The following ADARB2 variants were observed in gnomAD, a reference collection of about 807,000 sequenced individuals.
ADARB2 encodes the protein adenosine deaminase RNA specific B2 (inactive).
A neutral mutation model predicts 62.2 loss-of-function variants in ADARB2; 25 were observed. The observed-to-expected ratio is 0.40, with a 90% confidence interval of 0.29 to 0.56. The LOEUF (loss-of-function observed/expected upper bound fraction) is 0.56, where lower values mean the gene tolerates loss of function less well. Ranked by LOEUF, ADARB2 falls within the 20% of genes least tolerant of loss-of-function variation. The pLI, the probability that ADARB2 is intolerant of heterozygous loss-of-function variation, is 0.43. For missense variants in ADARB2, 1,071 were observed against 1,077.4 expected, an observed-to-expected ratio of 0.99 and a Z score of 0.08; for synonymous variants, 572 against 500.8, an observed-to-expected ratio of 1.14 and a Z score of -1.90.
At chr10:1,258,649 G>A (rs1564238190) in intron 4 of ADARB2, among the ~76,000 whole-genome samples, 2 of 152,142 alleles carry the variant, frequency 1.3e-5, no homozygotes, top group South Asian at 2.1e-4. Context: ...GATTCATAAA[G>A]CAAATCCTTA....
At position 1,476,141 on chromosome 10, in the gene ADARB2, A is replaced by G. The variant is rs115101941; in HGVS notation, c.101-96981T>C. Among the ~76,000 whole-genome samples the G allele has an allele frequency of 1.4e-3, 211 of 152,264 alleles. 1 individual carries two copies. The highest frequency in any genetic ancestry group is 6.8e-3 in the Middle Eastern group (2 of 294). On this transcript the variant is annotated intron_variant, in intron 1 of 9. Transcript: ENST00000381312. ...TTGAAGGGGTGAGAGAAGGAGAAGG[A>G]GAGAAAAAAGGAAGAGAGAGAGACA...
chr10:1,269,087 G>A (rs1363021838), intron 4 of ADARB2, among the ~76,000 whole-genome samples: 1 of 152,126 alleles, frequency 6.6e-6, no homozygotes, highest in Non-Finnish European at 1.5e-5. Context: ...AGCCAGGGTG[G>A]CTGGTGCCCC....
chr10:1,407,493 AG>A (rs1832717247), intron 1 of ADARB2, among the ~76,000 whole-genome samples: 1 of 152,126 alleles, frequency 6.6e-6, no homozygotes, highest in South Asian at 2.1e-4. Flanking sequence ...AAATGGTTTC[AG>A]GTTGAGAGAG....
At chr10:1,451,082 T>C (rs2820626) in intron 1 of ADARB2, among the ~76,000 whole-genome samples, 110,544 of 152,172 alleles carry the variant, frequency 0.73, 40,660 homozygotes, top group Middle Eastern at 0.84. Context: ...CATGTCCTCA[T>C]AGCCTGGGGA....
At chr10:1,581,621 T>C (rs1833100244) in intron 1 of ADARB2, among the ~76,000 whole-genome samples, 1 of 152,194 alleles carries the variant, frequency 6.6e-6, no homozygotes, top group Non-Finnish European at 1.5e-5. Context: ...TGGATAATTT[T>C]TGAGTATTAA....
intron 7 of ADARB2, among the ~76,000 whole-genome samples, chr10:1,203,558 C>G (rs10903405): frequency 0.27 from 40,689 of 152,162 alleles, 5,910 homozygotes; most frequent in African/African-American, 0.36. Flanking sequence ...GGCTGTCAGG[C>G]CTGCTGCTGG....
intron 1 of ADARB2, among the ~76,000 whole-genome samples, chr10:1,514,287 G>A (rs1253815760): frequency 1.3e-5 from 2 of 150,328 alleles, no homozygotes; most frequent in African/African-American, 2.4e-5. Flanking sequence ...TCAGAAGGAC[G>A]GCTCTGACGC....
At chr10:1,232,427 GGTGT>G (rs760639723) in intron 6 of ADARB2, among the ~76,000 whole-genome samples, 1 of 151,072 alleles carries the variant, frequency 6.6e-6, no homozygotes, top group South Asian at 2.1e-4. Flanking sequence ...TGGTATATGT[GGTGT>G]GTGTTTGCAG....
At chr10:1,666,129 G>A (rs1425626776) in intron 1 of ADARB2, among the ~76,000 whole-genome samples, 1 of 152,210 alleles carries the variant, frequency 6.6e-6, no homozygotes, top group African/African-American at 2.4e-5. Context: ...TAGAGGAGAT[G>A]GCACCGCTAT....
chr10:1,731,221 G>A (rs1259924115), intron 1 of ADARB2, among the ~76,000 whole-genome samples: 1 of 152,196 alleles, frequency 6.6e-6, no homozygotes, highest in Non-Finnish European at 1.5e-5. Context: ...TGCAGATGGA[G>A]ATTCAGGGCC....
At chr10:1,386,199 G>A (rs1221460068) in intron 1 of ADARB2, among the ~76,000 whole-genome samples, 1 of 151,704 alleles carries the variant, frequency 6.6e-6, no homozygotes, top group African/African-American at 2.4e-5. Context: ...AGTCAACAGA[G>A]AAGATAAAAT....
At chr10:1,518,354 CT>C (rs1832032442) in intron 1 of ADARB2, among the ~76,000 whole-genome samples, 1 of 152,182 alleles carries the variant, frequency 6.6e-6, no homozygotes, top group Admixed American at 6.5e-5. Context: ...CAGGTGAATG[CT>C]CCCAATTTCC....
chr10:1,198,386 C>T (rs535969112), intron 8 of ADARB2, among the ~76,000 whole-genome samples: 47 of 152,314 alleles, frequency 3.1e-4, no homozygotes, highest in Middle Eastern at 3.4e-3. Context: ...TATCCCTGTG[C>T]AAGATCTCTC....
chr10:1,257,258 T>C (rs920117272), intron 4 of ADARB2, among the ~76,000 whole-genome samples: 2 of 152,176 alleles, frequency 1.3e-5, no homozygotes, highest in Non-Finnish European at 2.9e-5. Context: ...AGGGAGGCAC[T>C]GACCTAAGTT....
chr10:1,353,603 C>T (rs774478060), intron 3 of ADARB2, among the ~76,000 whole-genome samples: 3 of 152,210 alleles, frequency 2.0e-5, no homozygotes, highest in Non-Finnish European at 4.4e-5. Context: ...CTCTACTCCG[C>T]CCATATTTGG....
intron 1 of ADARB2, among the ~76,000 whole-genome samples, chr10:1,611,883 C>A (rs776199939): frequency 2.0e-5 from 3 of 152,182 alleles, no homozygotes; most frequent in South Asian, 2.1e-4. Flanking sequence ...CTGGACCATG[C>A]ACCCCAGATG....
At position 1,363,115 on chromosome 10, in the gene ADARB2, C is replaced by G; in HGVS notation, c.990G>C (p.Gln330His). The change falls in exon 3 of 10, where the codon CAG becomes CAC. Residue 330 changes from glutamine to histidine, a missense_variant. Coordinates refer to ENST00000381312, the MANE Select transcript of ADARB2 (RefSeq NM_018702.4). ...GCTCCTGCAGTGCGGCCTGCGCGGCCTGACCCCGGGCCAGCTTCTTGCTGC... is the reference window on the plus strand; with the variant it reads ...GCTCCTGCAGTGCGGCCTGCGCGGCGTGACCCCGGGCCAGCTTCTTGCTGC... ...SGRSKKLARG[Q>H]AAQAALQELF... The G allele has an allele frequency of 3.2e-6, 5 of 1,539,018 alleles. No homozygotes were observed. Among genetic ancestry groups the G allele is most frequent in the Non-Finnish European group, 4.3e-6 (5 of 1,151,792 alleles).
chr10:1,259,584 C>T (rs188398325), intron 4 of ADARB2, among the ~76,000 whole-genome samples: 3 of 152,306 alleles, frequency 2.0e-5, no homozygotes, highest in Non-Finnish European at 2.9e-5. Context: ...ATACACTCTC[C>T]CAAGACTAAA....
intron 1 of ADARB2, among the ~76,000 whole-genome samples, chr10:1,614,194 A>G (rs1379690696): frequency 6.6e-6 from 1 of 152,248 alleles, no homozygotes; most frequent in East Asian, 1.9e-4. Context: ...TCAACTTAAC[A>G]TGGTAAAAGG....
Sources: allele counts gnomAD v4.1 joint callset (sites outside exome capture counted in the v4.1 genomes callset), GRCh38; gene constraint gnomAD v4.1.1; transcripts MANE v1.5; gene names NCBI Gene and HGNC (gene_info 2026-07-23, HGNC 2026-07-21).